The following CSMD1 variants were observed in gnomAD, a reference collection of about 807,000 sequenced individuals.
CSMD1 encodes CUB and sushi domain-containing protein 1.
In CSMD1, 213 loss-of-function variants were observed where a neutral mutation model predicts 417.5. That is an observed-to-expected ratio of 0.51 (90% CI 0.46 to 0.57). The LOEUF (loss-of-function observed/expected upper bound fraction) is 0.57. CSMD1 is among the 20% of genes least tolerant of loss of function. The pLI, the probability that CSMD1 is intolerant of heterozygous loss-of-function variation, is 0.00. For missense variants in CSMD1, 6,923 were observed against 4,529.7 expected, an observed-to-expected ratio of 1.53 and a Z score of -15.17; for synonymous variants, 2,862 against 1,736.8, an observed-to-expected ratio of 1.65 and a Z score of -16.11.
intron 1 of CSMD1, among the ~76,000 whole-genome samples, chr8:4,765,653 C>T (rs10098850): frequency 0.48 from 72,701 of 152,106 alleles, 17,825 homozygotes; most frequent in Admixed American, 0.62. Context: ...AAAGATATAT[C>T]CAAGCAAACT....
chr8:4,540,127 C>G (rs375650035), intron 2 of CSMD1, among the ~76,000 whole-genome samples: 1 of 152,078 alleles, frequency 6.6e-6, no homozygotes, highest in Non-Finnish European at 1.5e-5. Flanking sequence ...TATATAAACA[C>G]CGAAAGTGGT....
chr8:4,334,906 G>T (rs984211574), intron 3 of CSMD1, among the ~76,000 whole-genome samples: 1 of 151,962 alleles, frequency 6.6e-6, no homozygotes, highest in African/African-American at 2.4e-5. Context: ...TGTCAGTGAG[G>T]ACCCACTTTC....
At chr8:3,324,420 G>T (rs11778894) in intron 23 of CSMD1, among the ~76,000 whole-genome samples, 2 of 131,928 alleles carry the variant, frequency 1.5e-5, no homozygotes, top group South Asian at 5.2e-4. Flanking sequence ...GTTAAAATAG[G>T]CCCACACCTA....
At chr8:3,649,561 T>C (rs563187427) in intron 7 of CSMD1, among the ~76,000 whole-genome samples, 1 of 152,224 alleles carries the variant, frequency 6.6e-6, no homozygotes, top group Non-Finnish European at 1.5e-5. Flanking sequence ...GAAGGAGAAG[T>C]GCTGTGCAAA....
intron 6 of CSMD1, among the ~76,000 whole-genome samples, chr8:3,744,108 G>T (rs1373022852): frequency 6.6e-6 from 1 of 152,100 alleles, no homozygotes; most frequent in Admixed American, 6.6e-5. Flanking sequence ...CTTCCCTTTG[G>T]CAAGTAAACC....
At chr8:4,659,271 G>C (rs958825058) in intron 1 of CSMD1, among the ~76,000 whole-genome samples, 1 of 75,228 alleles carries the variant, frequency 1.3e-5, no homozygotes, top group South Asian at 3.6e-4. Context: ...AAGAAGAAAA[G>C]ATCAATTAAC....
At chr8:4,948,567 G>T (rs550613789) in intron 1 of CSMD1, among the ~76,000 whole-genome samples, 72 of 152,044 alleles carry the variant, frequency 4.7e-4, no homozygotes, top group Non-Finnish European at 8.7e-4. Context: ...TTTATTCATA[G>T]TACCTTTATG....
intron 3 of CSMD1, among the ~76,000 whole-genome samples, chr8:4,108,260 G>A: frequency 6.6e-6 from 1 of 152,162 alleles, no homozygotes; most frequent in Middle Eastern, 3.2e-3. Flanking sequence ...AGGTTGAGTT[G>A]TTTCAAATGC....
At chr8:3,822,684 G>T (rs183245851) in intron 5 of CSMD1, among the ~76,000 whole-genome samples, 4 of 152,252 alleles carry the variant, frequency 2.6e-5, no homozygotes, top group Non-Finnish European at 5.9e-5. Flanking sequence ...CACAGTCACG[G>T]CAATGACTTC....
intron 26 of CSMD1, among the ~76,000 whole-genome samples, chr8:3,263,385 C>T (rs1801218648): frequency 6.6e-6 from 1 of 152,202 alleles, no homozygotes; most frequent in Non-Finnish European, 1.5e-5. Flanking sequence ...AGGCATGAGC[C>T]ACCGTGCCAG....
chr8:3,627,671 G>A (rs922410009), intron 7 of CSMD1, among the ~76,000 whole-genome samples: 2 of 152,120 alleles, frequency 1.3e-5, no homozygotes, highest in African/African-American at 4.8e-5. Flanking sequence ...GATCACATAT[G>A]CAATGTTTTA....
At chr8:3,771,246 G>C (rs755434047) in intron 5 of CSMD1, among the ~76,000 whole-genome samples, 1 of 152,088 alleles carries the variant, frequency 6.6e-6, no homozygotes, top group East Asian at 1.9e-4. Context: ...GTTTGGCTCC[G>C]TGAGCCACTC....
chr8:4,243,712 C>A (rs1473904111), intron 3 of CSMD1, among the ~76,000 whole-genome samples: 1 of 152,064 alleles, frequency 6.6e-6, no homozygotes, highest in South Asian at 2.1e-4. Context: ...TATCGTACAT[C>A]CATAATCTGA....
chr8:4,339,810 G>C (rs570812412), intron 3 of CSMD1, among the ~76,000 whole-genome samples: 1 of 152,046 alleles, frequency 6.6e-6, no homozygotes, highest in Non-Finnish European at 1.5e-5. Context: ...AACCACTTGA[G>C]GCCAGGAGTT....
At chr8:4,500,641 A>T (rs942934836) in intron 2 of CSMD1, among the ~76,000 whole-genome samples, 7 of 152,122 alleles carry the variant, frequency 4.6e-5, no homozygotes, top group African/African-American at 1.7e-4. Flanking sequence ...GAGGGACGAA[A>T]GTGAGAGGTG....
At chr8:3,191,831 G>A (rs2129051387) in intron 33 of CSMD1, among the ~76,000 whole-genome samples, 1 of 152,280 alleles carries the variant, frequency 6.6e-6, no homozygotes, top group South Asian at 2.1e-4. Context: ...CCTCTGCAGT[G>A]AAAAAGACAG....
chr8:4,501,760 G>A (rs149349697), intron 2 of CSMD1, among the ~76,000 whole-genome samples: 1 of 152,108 alleles, frequency 6.6e-6, no homozygotes, highest in Non-Finnish European at 1.5e-5. Flanking sequence ...CAGTAGTGCA[G>A]CATTTGTGTT....
intron 3 of CSMD1, among the ~76,000 whole-genome samples, chr8:4,111,446 G>T (rs1165905427): frequency 6.6e-6 from 1 of 150,648 alleles, no homozygotes. Flanking sequence ...TATATACCCA[G>T]TAATGGGAAA....
intron 1 of CSMD1, among the ~76,000 whole-genome samples, chr8:4,723,021 C>G (rs964909003): frequency 6.6e-6 from 1 of 152,106 alleles, no homozygotes; most frequent in African/African-American, 2.4e-5. Context: ...CACTGAGACA[C>G]TGCTATGTAA....
Sources: allele counts gnomAD v4.1 joint callset (sites outside exome capture counted in the v4.1 genomes callset), GRCh38; gene constraint gnomAD v4.1.1; transcripts MANE v1.5; gene names NCBI Gene and HGNC (gene_info 2026-07-23, HGNC 2026-07-21).